The following TPM1 variants were observed in gnomAD, a reference collection of about 807,000 sequenced individuals.
The protein encoded by TPM1 is tropomyosin 1.
In TPM1, 24 loss-of-function variants were observed where a neutral mutation model predicts 42.9. The observed-to-expected ratio is 0.56, with a 90% CI of 0.41 to 0.79. The LOEUF (loss-of-function observed/expected upper bound fraction) is 0.79. Ranked by LOEUF, TPM1 falls within the 30% of genes least tolerant of loss-of-function variation. The pLI is 0.00. For missense variants in TPM1, 158 were observed against 351.8 expected, an observed-to-expected ratio of 0.45 and a Z score of 4.41; for synonymous variants, 136 against 130.1, an observed-to-expected ratio of 1.05 and a Z score of -0.31.
intron 3 of TPM1, among the ~76,000 whole-genome samples, chr15:63,058,680 A>T (rs1331080170): frequency 1.3e-5 from 2 of 152,174 alleles, no homozygotes; most frequent in African/African-American, 4.8e-5. Context: ...CCGCACTCCA[A>T]CCTGGGTGAC....
At chr15:63,056,859 A>G (rs570586689) in intron 2 of TPM1, 126 bp from the exon 3 acceptor site, 6 of 1,269,194 alleles carry the variant, frequency 4.7e-6, no homozygotes, top group Non-Finnish European at 5.7e-6. Context: ...CTTGTAATGC[A>G]CTTAAAGGTA....
Position 63,044,042 on chromosome 15 carries a change from G to C in TPM1, c.130G>C (p.Val44Leu), listed in dbSNP as rs1406954948. ...CAACTCCCAGCTGGAAGATGAGCTG[G>C]TGTCACTGCAAAAGAAACTCAAGGG... The part of the protein sequence containing the change: ...DRSKQLEDEL[V>L]SLQKKLKGTE... The change falls in exon 2 of 10, where the codon GTG becomes CTG. Residue 44 changes from valine to leucine, a missense_variant. Physicochemically the swap from Val to Leu is conservative, Grantham distance 32 (BLOSUM62 1). Coordinates refer to ENST00000403994, the MANE Select transcript of TPM1 (RefSeq NM_001018005.2). The C allele has an allele frequency of 1.2e-6, 2 of 1,613,996 alleles. No homozygotes were observed. Among genetic ancestry groups the C allele is most frequent in the South Asian group, 1.1e-5 (1 of 91,076 alleles).
intron 2 of TPM1, among the ~76,000 whole-genome samples, chr15:63,051,879 G>A (rs139947345): frequency 6.8e-6 from 1 of 146,274 alleles, no homozygotes; most frequent in African/African-American, 2.5e-5. Context: ...GAAAATCTAG[G>A]CCTCATAAAA....
At chr15:63,052,387 G>T (rs544884134) in intron 2 of TPM1, among the ~76,000 whole-genome samples, 5 of 152,194 alleles carry the variant, frequency 3.3e-5, no homozygotes, top group Non-Finnish European at 7.4e-5. Flanking sequence ...GCCGAGCATG[G>T]TGTCACGTGC....
rs1414878944 is a variant in TPM1, at chr15:63,065,884, A to G, written c.852-12A>G. On this transcript the variant is annotated splice_polypyrimidine_tract_variant and intron_variant, in intron 9 of 9. Transcript: ENST00000403994. ...ACTTTTTTTTTCCTCCCACCTTTTT[A>G]TCTTCACGCAGATAAGTTTCTTTGC... 1.4e-6 allele frequency: 2 copies of G among 1,383,978 alleles called. No homozygotes were observed. The highest frequency in any genetic ancestry group is 2.7e-5 in the East Asian group (1 of 36,738). The allele number at this position is 1,383,978 out of a possible 1,614,324, so 85.7% of individuals were successfully genotyped here.
intron 8 of TPM1, chr15:63,063,802 T>C (rs543766848): frequency 4.1e-6 from 2 of 490,834 alleles, no homozygotes; most frequent in African/African-American, 1.9e-5. Context: ...CTGATATACC[T>C]ACCATATTTG....
chr15:63,061,343 G>A lies in TPM1; in HGVS notation c.564-370G>A, dbSNP rs1041815007. The A allele has an allele frequency of 7.4e-6, 11 of 1,478,038 alleles. No homozygotes were observed. The African/African-American group carries it at 1.3e-4, about 17-fold the overall frequency. 91.6% of individuals were successfully genotyped at this position (1,478,038 alleles called of 1,614,324 possible). A position where few individuals can be genotyped will look rare whatever the true frequency, so the allele number is the denominator to read the frequency against. On this transcript the variant is annotated intron_variant, in intron 5 of 9. Coordinates refer to ENST00000403994, the MANE Select transcript of TPM1 (RefSeq NM_001018005.2). ...CATCTTTCAGCTTCCAATGCCTCCT[G>A]GTTCGTTTGGTATAACGACTGCACC... is the stretch of plus-strand genomic sequence containing the variant.
At chr15:63,070,200 A>T, downstream of TPM1, 1 of 1,267,930 alleles carries the variant, frequency 7.9e-7, no homozygotes, top group Admixed American at 3.3e-5. Context: ...TTGAAATAGC[A>T]GGTCCTCTTG....
intron 6 of TPM1, 199 bp downstream of exon 6, chr15:63,061,987 T>A: frequency 1.5e-6 from 1 of 671,402 alleles, no homozygotes; most frequent in Non-Finnish European, 2.6e-6. Context: ...GGCATCAATT[T>A]AATTTAAACC....
At chr15:63,053,171 A>T (rs190053509) in intron 2 of TPM1, among the ~76,000 whole-genome samples, 1 of 152,342 alleles carries the variant, frequency 6.6e-6, no homozygotes, top group Non-Finnish European at 1.5e-5. Flanking sequence ...TTGTTTTATG[A>T]AGTTTTCAAT....
chr15:63,063,865 C>G lies in TPM1; in HGVS notation c.773-199C>G, dbSNP rs1463687874. The G allele has an allele frequency of 9.6e-6, 6 of 627,082 alleles. No individual in the cohort carries two copies. The African/African-American group carries it at 1.1e-4, about 12-fold the overall frequency. 38.8% of individuals were successfully genotyped at this position (627,082 alleles called of 1,614,324 possible). On this transcript the variant is annotated intron_variant, in intron 8 of 9. Coordinates refer to ENST00000403994, the MANE Select transcript of TPM1 (RefSeq NM_001018005.2). Reference sequence around the variant, plus strand: ...ATTTTATTTTCTAATGGGTTTTGTTCTCTTTGTTTTTGTTTCAATTTACTT... The same window carrying G: ...ATTTTATTTTCTAATGGGTTTTGTTGTCTTTGTTTTTGTTTCAATTTACTT...
In TPM1 at chr15:63,043,677, C is replaced by T. The variant is rs1314539142; in HGVS notation, c.115-350C>T. 9.1e-6 allele frequency: 14 copies of T among 1,539,568 alleles called. No individual in the cohort carries two copies. The South Asian group carries it at 1.7e-4, about 18-fold the overall frequency. ...TGTCTAACACCCGGTCCGTGCCGGCCGCCCGCGCCCGCCCGCCGCTGCCCC... is the reference window on the plus strand; with the variant it reads ...TGTCTAACACCCGGTCCGTGCCGGCTGCCCGCGCCCGCCCGCCGCTGCCCC... On this transcript the variant is annotated intron_variant, in intron 1 of 9. Coordinates refer to ENST00000403994, the MANE Select transcript of TPM1 (RefSeq NM_001018005.2).
At chr15:63,071,516 A>G (rs2036605038) in exon 9 of TPM1, 1 of 357,912 alleles carries the variant, frequency 2.8e-6, no homozygotes. Flanking sequence ...TGGAAACACA[A>G]TCAGGTGTGG....
intron 2 of TPM1, chr15:63,056,289 C>G (rs2034767494): frequency 6.6e-6 from 1 of 152,500 alleles, no homozygotes; most frequent in South Asian, 2.1e-4. Context: ...AGTCTTGTCT[C>G]AGTTCACACT....
chr15:63,057,202 A>G, intron 3 of TPM1, 84 bp downstream of exon 3: 1 of 1,572,616 alleles, frequency 6.4e-7, no homozygotes, highest in South Asian at 1.1e-5. Context: ...TTGAGGTTTA[A>G]GAATTTTTCA....
intron 2 of TPM1, chr15:63,048,376 C>A (rs963685739): frequency 3.0e-6 from 4 of 1,333,756 alleles, no homozygotes; most frequent in Non-Finnish European, 3.8e-6. Flanking sequence ...CGCGCGCGCC[C>A]GCCTGCGGTT....
Position 63,062,536 on chromosome 15 carries a change from CAT to C in TPM1, c.703-38_703-37del, listed in dbSNP as rs749336039. On this transcript the variant is annotated intron_variant, in intron 7 of 9. Transcript: ENST00000403994. ...TCCCTATGTTTGTAGCTACAGGAAACATAAAACTTCCCAACTTTAACTCAAAT... is the reference window on the plus strand; with the variant it reads ...TCCCTATGTTTGTAGCTACAGGAAACAAAACTTCCCAACTTTAACTCAAAT... The C allele has an allele frequency of 1.4e-5, 22 of 1,610,124 alleles. No homozygotes were observed. In the East Asian group the frequency reaches 3.6e-4, roughly 26 times the overall value.
chr15:63,070,013 C>A, downstream of TPM1: 1 of 1,608,016 alleles, frequency 6.2e-7, no homozygotes, highest in South Asian at 1.1e-5. Flanking sequence ...TAAGACTGTC[C>A]TACCTTCAAC....
intron 3 of TPM1, among the ~76,000 whole-genome samples, chr15:63,058,595 G>C (rs1425409814): frequency 6.6e-6 from 1 of 152,154 alleles, no homozygotes; most frequent in Non-Finnish European, 1.5e-5. Context: ...TGTAATCCCA[G>C]CTACTCGGGA....
Sources: allele counts gnomAD v4.1 joint callset (sites outside exome capture counted in the v4.1 genomes callset), GRCh38; gene constraint gnomAD v4.1.1; transcripts MANE v1.5; gene names NCBI Gene and HGNC (gene_info 2026-07-23, HGNC 2026-07-21).